The following NEDD4L variants were observed in gnomAD, a reference collection of about 807,000 sequenced individuals.
The protein encoded by NEDD4L is E3 ubiquitin-protein ligase NEDD4-like.
Under a neutral mutation model 148.9 loss-of-function variants are expected in NEDD4L, and 54 were observed. That is an observed-to-expected ratio of 0.36 (90% CI 0.29 to 0.45). NEDD4L has a LOEUF of 0.45. Among genes scored for constraint, NEDD4L ranks in the 20% least tolerant of loss-of-function variants. NEDD4L has a pLI of 1.00. For missense variants in NEDD4L, 856 were observed against 1,233.8 expected (o/e 0.69, Z 4.59); for synonymous variants, 433 against 440.7 (o/e 0.98, Z 0.22).
At chr18:58,132,050 C>T (rs778965581) in intron 1 of NEDD4L, among the ~76,000 whole-genome samples, 12 of 152,194 alleles carry the variant, frequency 7.9e-5, no homozygotes, top group Non-Finnish European at 1.5e-4. Context: ...GCTCCTTCTC[C>T]TTTCTGAAGC....
At chr18:58,348,029 A>G (rs1037554999) in intron 16 of NEDD4L, among the ~76,000 whole-genome samples, 2 of 151,974 alleles carry the variant, frequency 1.3e-5, no homozygotes, top group African/African-American at 2.4e-5. Flanking sequence ...GACTCACTGC[A>G]TCACCCAGGC....
chr18:58,072,511 T>C (rs2082918608), intron 1 of NEDD4L, among the ~76,000 whole-genome samples: 1 of 152,150 alleles, frequency 6.6e-6, no homozygotes, highest in Non-Finnish European at 1.5e-5. Flanking sequence ...TGCAGGAAAA[T>C]CATTTGATAA....
At chr18:58,249,067 C>T (rs2047603243) in intron 4 of NEDD4L, 130 bp downstream of exon 4, 1 of 487,082 alleles carries the variant, frequency 2.1e-6, no homozygotes, top group East Asian at 3.3e-5. Flanking sequence ...AATAGGTAGC[C>T]TCCTAATGTG....
At chr18:58,164,516 G>C (rs1392499813) in intron 1 of NEDD4L, among the ~76,000 whole-genome samples, 1 of 152,178 alleles carries the variant, frequency 6.6e-6, no homozygotes, top group African/African-American at 2.4e-5. Context: ...CTGTCACCCA[G>C]GCTGGAGTGC....
intron 5 of NEDD4L, among the ~76,000 whole-genome samples, chr18:58,265,201 C>T (rs1308965830): frequency 2.0e-5 from 3 of 152,178 alleles, no homozygotes; most frequent in Admixed American, 2.0e-4. Flanking sequence ...GTAGATGTGC[C>T]TCCCAGGGAT....
chr18:58,105,088 C>T (rs1011827057), intron 1 of NEDD4L, among the ~76,000 whole-genome samples: 1 of 152,144 alleles, frequency 6.6e-6, no homozygotes, highest in Non-Finnish European at 1.5e-5. Flanking sequence ...AAGCCTGTAA[C>T]TTATAAGGTA....
intron 2 of NEDD4L, among the ~76,000 whole-genome samples, chr18:58,177,236 A>G (rs2038274391): frequency 6.6e-6 from 1 of 151,942 alleles, no homozygotes; most frequent in African/African-American, 2.4e-5. Flanking sequence ...TGTTTGTCTC[A>G]CTGTCTTCCT....
intron 28 of NEDD4L, 36 bp from the exon 29 acceptor site, chr18:58,390,610 G>C: frequency 1.5e-6 from 2 of 1,366,596 alleles, no homozygotes; most frequent in Non-Finnish European, 2.1e-6. Context: ...CATGGGTCAC[G>C]TGGGGGGTAT....
In NEDD4L at chr18:58,044,588, G is replaced by T; in HGVS notation, c.-73G>T. On this transcript the variant is annotated 5_prime_UTR_variant, in exon 1 of 31. It adds an upstream start codon to the 5' untranslated region. Coordinates refer to ENST00000400345, the MANE Select transcript of NEDD4L (RefSeq NM_001144967.3). ...GGGACCGGGGGGACCTGGAGGCAGA[G>T]GGGAGAACCGGCCGTCCGCGCCGCA... The T allele has an allele frequency of 6.7e-7, 1 of 1,502,098 alleles. No homozygotes were observed. The highest frequency in any genetic ancestry group is 1.3e-5 in the South Asian group (1 of 75,566). The allele number at this position is 1,502,098 out of a possible 1,614,324, so 93.0% of individuals were successfully genotyped here.
intron 18 of NEDD4L, among the ~76,000 whole-genome samples, chr18:58,352,140 A>G (rs1354203147): frequency 2.6e-5 from 4 of 152,182 alleles, no homozygotes; most frequent in Admixed American, 2.0e-4. Flanking sequence ...CTTTGTTTAA[A>G]CCAGATATTT....
In NEDD4L at chr18:58,289,660, C is replaced by CT. The variant is rs145630846; in HGVS notation, c.298-26320dup. 7.9e-5 allele frequency among the ~76,000 whole-genome samples: 12 copies of CT among 152,248 alleles called. No homozygotes were observed. The East Asian group carries it at 2.3e-3, about 29-fold the overall frequency. ...GAGAGCAACTGAAGCAAGAGAAGCT[C>CT]TTAGTAATTAGGGGAAGGAAGCCTC... On this transcript the variant is annotated intron_variant, in intron 5 of 30. Coordinates refer to ENST00000400345, the MANE Select transcript of NEDD4L (RefSeq NM_001144967.3).
At chr18:58,249,524 T>C (rs940814718) in intron 4 of NEDD4L, among the ~76,000 whole-genome samples, 1 of 152,230 alleles carries the variant, frequency 6.6e-6, no homozygotes, top group Non-Finnish European at 1.5e-5. Context: ...AGATTTCTGC[T>C]TATTGAGCAT....
At chr18:58,204,913 A>T (rs1410359074) in intron 2 of NEDD4L, among the ~76,000 whole-genome samples, 4 of 152,216 alleles carry the variant, frequency 2.6e-5, no homozygotes, top group Non-Finnish European at 5.9e-5. Flanking sequence ...TATGATGAAG[A>T]AAGGGAAAAA....
intron 30 of NEDD4L, 82 bp from the exon 31 acceptor site, chr18:58,396,085 T>A (rs2050459890): frequency 1.1e-6 from 1 of 893,444 alleles, no homozygotes; most frequent in Non-Finnish European, 1.8e-6. Context: ...TTTTATTCTC[T>A]TACTCAAACC....
intron 5 of NEDD4L, among the ~76,000 whole-genome samples, chr18:58,311,626 G>A (rs577764012): frequency 2.0e-5 from 3 of 152,344 alleles, no homozygotes; most frequent in South Asian, 4.1e-4. Flanking sequence ...AATAGGGTGG[G>A]GTGGTCATTG....
chr18:58,065,580 G>A (rs1412032260), intron 1 of NEDD4L, among the ~76,000 whole-genome samples: 3 of 152,338 alleles, frequency 2.0e-5, no homozygotes, highest in East Asian at 3.9e-4. Flanking sequence ...AGGCAGATGA[G>A]CATTGCCATT....
chr18:58,286,062 C>T (rs186533689), intron 5 of NEDD4L, among the ~76,000 whole-genome samples: 4 of 152,280 alleles, frequency 2.6e-5, no homozygotes, highest in East Asian at 1.9e-4. Context: ...AGTAGATGCA[C>T]GTTCTTACCC....
chr18:58,360,662 G>A (rs980785886), intron 19 of NEDD4L, among the ~76,000 whole-genome samples: 10 of 151,328 alleles, frequency 6.6e-5, no homozygotes, highest in African/African-American at 1.9e-4. Context: ...ATTATCTCTG[G>A]TCCTAGGATC....
chr18:58,111,313 C>G (rs1419042026), intron 1 of NEDD4L, among the ~76,000 whole-genome samples: 1 of 152,178 alleles, frequency 6.6e-6, no homozygotes, highest in Non-Finnish European at 1.5e-5. Flanking sequence ...GGTGATCCAC[C>G]TGCCTTGGCC....
Sources: allele counts gnomAD v4.1 joint callset (sites outside exome capture counted in the v4.1 genomes callset), GRCh38; gene constraint gnomAD v4.1.1; transcripts MANE v1.5; gene names NCBI Gene and HGNC (gene_info 2026-07-23, HGNC 2026-07-21).